Variants in EFTUD2 observed in about 807,000 individuals in gnomAD.
The protein encoded by EFTUD2 is 116 kDa U5 small nuclear ribonucleoprotein component.
A neutral mutation model predicts 114.3 loss-of-function variants in EFTUD2; 9 were observed. The observed-to-expected ratio is 0.08, with a 90% CI of 0.05 to 0.14. The LOEUF is 0.14. Ranked by LOEUF, EFTUD2 falls within the 10% of genes least tolerant of loss-of-function variation. The probability of loss-of-function intolerance (pLI) is 1.00; values close to 1 mark genes in which losing one functional copy is unlikely to be tolerated. For synonymous variants in EFTUD2, 449 were observed against 462.3 expected, an observed-to-expected ratio of 0.97 and a Z score of 0.37; for missense variants, 765 against 1,241.2, an observed-to-expected ratio of 0.62 and a Z score of 5.76.
intron 2 of EFTUD2, among the ~76,000 whole-genome samples, chr17:44,891,158 T>C (rs2051271604): frequency 6.6e-6 from 1 of 152,182 alleles, no homozygotes; most frequent in Non-Finnish European, 1.5e-5. Context: ...CAGACAATGA[T>C]ACCATTTACT....
chr17:44,895,802 T>G (rs973329676), intron 1 of EFTUD2: 1 of 152,238 alleles, frequency 6.6e-6, no homozygotes, highest in Non-Finnish European at 1.5e-5. Context: ...GTTTCACAGA[T>G]TGTTCCAATA....
At position 44,860,802 on chromosome 17, in the gene EFTUD2, T is replaced by A. The variant is rs2050643206; in HGVS notation, c.1608-259A>T. ...TTTGTAGAGACGGGGTTTTTTCATG[T>A]TGTCTAGGCTGGTCTTGAACTCCTG... On this transcript the variant is annotated intron_variant, in intron 16 of 27. Transcript: ENST00000426333. Among the ~76,000 whole-genome samples, 5 of 151,998 alleles carry A rather than the reference T, an allele frequency of 3.3e-5. No homozygotes were observed. In the South Asian group the frequency reaches 1.0e-3, roughly 32 times the overall value.
At position 44,874,035 on chromosome 17, in the gene EFTUD2, C is replaced by CTT. The variant is rs35563732; in HGVS notation, c.870-1467_870-1466dup. ...AGGCGTGAGCCACCGTGCCCGGCCT[C>CTT]TTTTTTTTTTTTTTTTTTTTTTAAG... is the stretch of plus-strand genomic sequence containing the variant. On this transcript the variant is annotated intron_variant, in intron 10 of 27. Coordinates refer to ENST00000426333, the MANE Select transcript of EFTUD2 (RefSeq NM_004247.4). Among the ~76,000 whole-genome samples the CTT allele has an allele frequency of 4.9e-3, 563 of 115,458 alleles. 8 individuals carry two copies. The highest frequency in any genetic ancestry group is 0.02 in the South Asian group (67 of 3,340). 75.7% of individuals were successfully genotyped at this position (115,458 alleles called of 152,430 possible).
chr17:44,889,497 G>A (rs1406140489), intron 2 of EFTUD2, among the ~76,000 whole-genome samples: 1 of 152,226 alleles, frequency 6.6e-6, no homozygotes, highest in Admixed American at 6.5e-5. Context: ...ACAGGAGAGA[G>A]AGGGCAGAAT....
At chr17:44,888,023 G>C (rs563052894) in intron 2 of EFTUD2, among the ~76,000 whole-genome samples, 1 of 152,224 alleles carries the variant, frequency 6.6e-6, no homozygotes, top group East Asian at 1.9e-4. Context: ...AAAAAGAGGT[G>C]CTACTGAAGC....
intron 2 of EFTUD2, among the ~76,000 whole-genome samples, chr17:44,886,996 T>C (rs909178868): frequency 2.6e-5 from 4 of 152,146 alleles, no homozygotes; most frequent in African/African-American, 9.7e-5. Flanking sequence ...TGGTCACAAG[T>C]GGGTTGAGAC....
At chr17:44,861,827 A>G (rs1334897618) in intron 16 of EFTUD2, among the ~76,000 whole-genome samples, 7 of 152,156 alleles carry the variant, frequency 4.6e-5, no homozygotes, top group Non-Finnish European at 1.0e-4. Flanking sequence ...AGGGACCACC[A>G]TTGAGGCAGG....
chr17:44,874,156 C>T (rs2050906405), intron 10 of EFTUD2, among the ~76,000 whole-genome samples: 1 of 151,460 alleles, frequency 6.6e-6, no homozygotes, highest in Admixed American at 6.6e-5. Context: ...ATCCTCTTGC[C>T]TCTGCCTCCC....
intron 11 of EFTUD2, among the ~76,000 whole-genome samples, chr17:44,871,378 C>T (rs1280944670): frequency 6.8e-6 from 1 of 146,644 alleles, no homozygotes; most frequent in African/African-American, 2.5e-5. Context: ...CTTGCTCTGT[C>T]GCCCAGGCTG....
Position 44,850,679 on chromosome 17 carries a change from C to A in EFTUD2, c.*595G>T. ...AGGAACCCAACAACTCCCAAGCCAT[C>A]TTAGGTTCCACCCAGAAGCAGCATG... On this transcript the variant is annotated 3_prime_UTR_variant, in exon 28 of 28. Coordinates refer to ENST00000426333, the MANE Select transcript of EFTUD2 (RefSeq NM_004247.4). 1 of 348,490 alleles carries A rather than the reference C, an allele frequency of 2.9e-6. No individual in the cohort carries two copies. 21.6% of individuals were successfully genotyped at this position (348,490 alleles called of 1,614,324 possible).
intron 2 of EFTUD2, chr17:44,894,067 CA>C (rs60319837): frequency 0.033 from 5,203 of 157,384 alleles, no homozygotes; most frequent in South Asian, 0.082. Context: ...GAGACTGTCT[CA>C]AAAAAAAAAA....
At chr17:44,852,689 G>A in intron 25 of EFTUD2, 127 bp from the exon 26 acceptor site, 1 of 1,208,356 alleles carries the variant, frequency 8.3e-7, no homozygotes, top group Non-Finnish European at 1.1e-6. Context: ...GAGTAACCAA[G>A]AATGTTCTAC....
rs146564069 is a variant in EFTUD2, at chr17:44,864,871, T to A, written c.1285+59A>T. 469 of 1,580,802 alleles carry A rather than the reference T, an allele frequency of 3.0e-4. No individual in the cohort carries two copies. In the East Asian group the frequency reaches 9.0e-3, roughly 30 times the overall value. On this transcript the variant is annotated intron_variant, in intron 14 of 27. Coordinates refer to ENST00000426333, the MANE Select transcript of EFTUD2 (RefSeq NM_004247.4). ...ATCGCTGGGTGAGAAAAAATTGCTG[T>A]GATACCTGTGGCAGGGCACGAGGAT...
intron 11 of EFTUD2, among the ~76,000 whole-genome samples, chr17:44,868,757 C>T (rs1188221492): frequency 6.6e-6 from 1 of 152,206 alleles, no homozygotes; most frequent in Non-Finnish European, 1.5e-5. Context: ...ACAAGCTCGA[C>T]TCTGCTGCCA....
At chr17:44,891,314 G>A (rs1429343746) in intron 2 of EFTUD2, among the ~76,000 whole-genome samples, 1 of 152,172 alleles carries the variant, frequency 6.6e-6, no homozygotes, top group East Asian at 1.9e-4. Flanking sequence ...TGACACTGAG[G>A]AGTAAGAACT....
rs754667227 is a variant in EFTUD2 at position 44,880,594 on chromosome 17, G to C, written c.579C>G (p.Thr193=). 2 of 1,613,706 alleles carry C rather than the reference G, an allele frequency of 1.2e-6. No homozygotes were observed. Among genetic ancestry groups the C allele is most frequent in the Admixed American group, 3.3e-5 (2 of 60,010 alleles). The change falls in exon 8 of 28, where the codon ACC becomes ACG. Residue 193 remains threonine (T), a synonymous_variant. Coordinates refer to ENST00000426333, the MANE Select transcript of EFTUD2 (RefSeq NM_004247.4). ...TATTGAAGAGATAAGATTTTCCTTT[G>C]GTGTCTGGCAAGACCACTGTCACAG... ...STPVTVVLPD[T]KGKSYLFNIM...
intron 14 of EFTUD2, among the ~76,000 whole-genome samples, chr17:44,864,568 C>CA (rs939182637): frequency 6.6e-6 from 1 of 152,136 alleles, no homozygotes; most frequent in African/African-American, 2.4e-5. Flanking sequence ...TGTAACTAAC[C>CA]AAGTCTCCCA....
chr17:44,872,680 G>A (rs1218437788), intron 10 of EFTUD2, 110 bp from the exon 11 acceptor site: 30 of 1,387,112 alleles, frequency 2.2e-5, no homozygotes, highest in Non-Finnish European at 2.5e-5. Context: ...CCCTCGGAAG[G>A]GACTTGTGCA....
At chr17:44,884,531 A>AG (rs1555569730) in intron 4 of EFTUD2, among the ~76,000 whole-genome samples, 2 of 150,684 alleles carry the variant, frequency 1.3e-5, no homozygotes, top group African/African-American at 4.9e-5. Flanking sequence ...AAAAAAAAAA[A>AG]AGAGAGAGAG....
Sources: gnomAD v4.1 joint callset for allele counts (sites outside exome capture counted in the v4.1 genomes callset) on GRCh38, gnomAD v4.1.1 for gene constraint, MANE v1.5 for transcripts, NCBI Gene and HGNC (gene_info 2026-07-23, HGNC 2026-07-21) for gene names.